Variants in SRFBP1 observed in about 807,000 individuals in gnomAD.
The protein encoded by SRFBP1 is serum response factor-binding protein 1.
A neutral mutation model predicts 45.5 loss-of-function variants in SRFBP1; 47 were observed. That is an observed-to-expected ratio of 1.03 (90% CI 0.82 to 1.32). The LOEUF is 1.32. Among genes scored for constraint, SRFBP1 ranks in the 40% most tolerant of loss-of-function variants. The pLI, the probability that SRFBP1 is intolerant of heterozygous loss-of-function variation, is 0.00. For synonymous variants in SRFBP1, 203 were observed against 166.3 expected, an observed-to-expected ratio of 1.22 and a Z score of -1.70; for missense variants, 621 against 484.6, an observed-to-expected ratio of 1.28 and a Z score of -2.64.
rs542637221 is a variant in SRFBP1, at chr5:121,988,483, A to G, written c.199-6116A>G. Among the ~76,000 whole-genome samples the G allele has an allele frequency of 1.4e-4, 22 of 152,326 alleles. 1 individual carries two copies. Among genetic ancestry groups the G allele is most frequent in the African/African-American group, 5.1e-4 (21 of 41,578 alleles). On this transcript the variant is annotated intron_variant, in intron 3 of 7. Transcript: ENST00000339397. ...GGGTGAAGTCCAGGAAAAAATAGGC[A>G]TAATTCTAGGTGGCATCTCTCAGTG...
chr5:122,069,910 A>G, intron 2 of SRFBP1: 1 of 732,826 alleles, frequency 1.4e-6, no homozygotes, highest in Non-Finnish European at 2.5e-6. Flanking sequence ...AAATAAAATC[A>G]GACTGCATAC....
chr5:122,065,112 T>A (rs1754265168), intron 2 of SRFBP1: 1 of 152,076 alleles, frequency 6.6e-6, no homozygotes, highest in Admixed American at 6.6e-5. Flanking sequence ...AAAAGCTCTG[T>A]CTGTATTGTC....
intron 3 of SRFBP1, among the ~76,000 whole-genome samples, chr5:121,977,205 C>T (rs535156155): frequency 1.2e-4 from 18 of 152,028 alleles, no homozygotes; most frequent in African/African-American, 4.3e-4. Flanking sequence ...TTCTATTTTT[C>T]CCTGTGATTG....
chr5:122,077,585 G>A (rs745824319), downstream of SRFBP1: 2 of 1,612,710 alleles, frequency 1.2e-6, no homozygotes, highest in South Asian at 1.1e-5. This position sits in a 1 kb window ranked among gnomAD's most constrained non-coding sequence, Gnocchi z 4.9. Flanking sequence ...AGCTTCGCGG[G>A]CTCTAGATGT....
intron 3 of SRFBP1, among the ~76,000 whole-genome samples, chr5:121,987,287 C>T (rs929126677): frequency 3.3e-5 from 5 of 152,166 alleles, no homozygotes; most frequent in South Asian, 4.1e-4. Context: ...CTGTCTAATC[C>T]TAGCAGCAGA....
downstream of SRFBP1, chr5:122,077,544 G>A (rs1182188701): frequency 1.2e-6 from 2 of 1,613,542 alleles, no homozygotes; most frequent in Admixed American, 1.7e-5. This position sits in a 1 kb window ranked among gnomAD's most constrained non-coding sequence, Gnocchi z 4.9. Flanking sequence ...ACTTCTCCCG[G>A]CGCTGTCTGG....
At chr5:122,076,505 C>G (rs1754639571), downstream of SRFBP1, among the ~76,000 whole-genome samples, 1 of 152,014 alleles carries the variant, frequency 6.6e-6, no homozygotes, top group African/African-American at 2.4e-5. Context: ...CAAATTTGCC[C>G]CGAATCTTTT....
chr5:122,078,276 G>C (rs1057489687), downstream of SRFBP1: 6 of 340,288 alleles, frequency 1.8e-5, no homozygotes, highest in Non-Finnish European at 3.1e-5. Context: ...AAGGAAGGAG[G>C]AGAGATTTTA....
chr5:121,998,679 A>G (rs1320976324), intron 4 of SRFBP1, among the ~76,000 whole-genome samples: 16 of 148,964 alleles, frequency 1.1e-4, no homozygotes, highest in Non-Finnish European at 7.5e-5. Context: ...AAAAAAAACT[A>G]AGATGCTTTA....
intron 4 of SRFBP1, among the ~76,000 whole-genome samples, chr5:122,004,110 A>G (rs560367707): frequency 6.6e-6 from 1 of 152,068 alleles, no homozygotes; most frequent in African/African-American, 2.4e-5. Context: ...TGGTGTAGCA[A>G]GTGTAGCTGG....
intron 2 of SRFBP1, among the ~76,000 whole-genome samples, chr5:122,048,543 G>A (rs1051704178): frequency 2.0e-5 from 3 of 152,264 alleles, no homozygotes; most frequent in African/African-American, 7.2e-5. Flanking sequence ...TTGGTATCAG[G>A]ATGATGCTGG....
intron 7 of SRFBP1, among the ~76,000 whole-genome samples, chr5:122,024,914 T>A (rs1192800973): frequency 6.6e-6 from 1 of 152,244 alleles, no homozygotes; most frequent in Non-Finnish European, 1.5e-5. Context: ...TATTCAAATC[T>A]CAGTTTTTAT....
chr5:121,988,533 A>G (rs1484398057), intron 3 of SRFBP1, among the ~76,000 whole-genome samples: 1 of 152,248 alleles, frequency 6.6e-6, no homozygotes. Context: ...CATTCCCATC[A>G]TAAGGTAACA....
At chr5:122,040,160 T>G (rs1321297415) in intron 2 of SRFBP1, among the ~76,000 whole-genome samples, 2 of 152,284 alleles carry the variant, frequency 1.3e-5, no homozygotes, top group East Asian at 3.9e-4. Context: ...TGATTAATTT[T>G]AGGAATTATT....
downstream of SRFBP1, chr5:122,077,005 A>T: frequency 6.2e-7 from 1 of 1,612,632 alleles, no homozygotes; most frequent in Non-Finnish European, 8.5e-7. This position sits in a 1 kb window ranked among gnomAD's most constrained non-coding sequence, Gnocchi z 4.9. Context: ...GGGAGACCTA[A>T]ACGTCAGCAG....
downstream of SRFBP1, among the ~76,000 whole-genome samples, chr5:122,030,944 A>G (rs769309206): frequency 6.6e-6 from 1 of 152,206 alleles, no homozygotes; most frequent in African/African-American, 2.4e-5. Context: ...GATTATGTAC[A>G]TGCATAAAGC....
intron 3 of SRFBP1, among the ~76,000 whole-genome samples, chr5:121,990,505 C>T (rs1285829596): frequency 6.6e-6 from 1 of 152,102 alleles, no homozygotes; most frequent in Non-Finnish European, 1.5e-5. Flanking sequence ...GGGATCTTTA[C>T]TCCAAACCTC....
chr5:121,966,136 A>C (rs1752059081), intron 1 of SRFBP1, among the ~76,000 whole-genome samples: 1 of 152,288 alleles, frequency 6.6e-6, no homozygotes, highest in East Asian at 1.9e-4. Flanking sequence ...CTGCAAATAG[A>C]GACAGTTTGA....
chr5:122,010,689 A>ATG (rs148931233), intron 4 of SRFBP1, among the ~76,000 whole-genome samples: 1 of 151,782 alleles, frequency 6.6e-6, no homozygotes, highest in Non-Finnish European at 1.5e-5. Flanking sequence ...GTATGTATGT[A>ATG]TGTGTGTGTG....
Sources: gnomAD v4.1 joint callset for allele counts (sites outside exome capture counted in the v4.1 genomes callset) on GRCh38, gnomAD v4.1.1 for gene constraint, Gnocchi (gnomAD v3.1) non-coding constraint, MANE v1.5 for transcripts, NCBI Gene and HGNC (gene_info 2026-07-23, HGNC 2026-07-21) for gene names.